Variants in CDK12 observed in about 807,000 individuals in gnomAD.
CDK12 encodes cyclin-dependent kinase 12.
Under a neutral mutation model 133.8 loss-of-function variants are expected in CDK12, and 17 were observed. The observed-to-expected ratio is 0.13, with a 90% CI of 0.09 to 0.19. The LOEUF (loss-of-function observed/expected upper bound fraction) is 0.19, where lower values mean the gene tolerates loss of function less well. Among genes scored for constraint, CDK12 ranks in the 10% least tolerant of loss-of-function variants. CDK12 has a pLI of 1.00. For missense variants in CDK12, 1,508 were observed against 1,818.7 expected (o/e 0.83, Z 3.11); for synonymous variants, 694 against 683.6 (o/e 1.02, Z -0.24).
chr17:39,462,367 G>A lies in CDK12; in HGVS notation c.296G>A (p.Arg99His), dbSNP rs541561206. ...FKLDRRENDE[R>H]RGSDRSDRLH... is the part of the protein sequence containing the mutation. ...CTAGACCGAAGGGAGAACGACGAAC[G>A]TCGTGGATCAGATCGGAGCGACCGC... The change falls in exon 1 of 14, where the codon CGT (arginine) becomes CAT (histidine). Residue 99 changes from arginine (R) to histidine (H), a missense_variant. Arg to His is a conservative substitution (Grantham distance 29, BLOSUM62 0). Around this residue, in one of 9 missense-constraint regions of CDK12, gnomAD observed 460 missense variants for 490.8 expected, o/e 0.94. Coordinates refer to ENST00000447079, the MANE Select transcript of CDK12 (RefSeq NM_016507.4). The A allele has an allele frequency of 6.2e-7, 1 of 1,614,204 alleles. No individual in the cohort carries two copies. The highest frequency in any genetic ancestry group is 2.2e-5 in the East Asian group (1 of 44,874).
At chr17:39,492,946 A>C in intron 4 of CDK12, 56 bp downstream of exon 4, 1 of 1,422,618 alleles carries the variant, frequency 7.0e-7, no homozygotes, top group Non-Finnish European at 9.7e-7. Flanking sequence ...AGCAATACTA[A>C]TATCTTAAGT....
chr17:39,563,390 AT>A (rs886961860), intron 3 of CDK12, among the ~76,000 whole-genome samples: 27 of 134,224 alleles, frequency 2.0e-4, no homozygotes, highest in African/African-American at 7.7e-4. Context: ...AGAACTCAAT[AT>A]TCTCTCTCTC....
upstream of CDK12, chr17:39,550,010 GTCTC>G (rs144728868): frequency 1.4e-3 from 199 of 145,044 alleles, 1 homozygote; most frequent in African/African-American, 3.0e-3. Context: ...CTCTCTCTCT[GTCTC>G]TCTCTCTCTC....
At chr17:39,555,616 A>G (rs146066891) in intron 2 of CDK12, among the ~76,000 whole-genome samples, 1 of 152,078 alleles carries the variant, frequency 6.6e-6, no homozygotes, top group East Asian at 1.9e-4. Flanking sequence ...CCCTGGGTAT[A>G]GAAGTAGTAT....
chr17:39,476,717 T>TTTTTTTTC (rs2050230123), intron 2 of CDK12, among the ~76,000 whole-genome samples: 5 of 100,348 alleles, frequency 5.0e-5, no homozygotes, highest in African/African-American at 2.2e-4. Flanking sequence ...CTGCCTTTTT[T>TTTTTTTTC]TTTTTTTTTT....
chr17:39,523,469 C>T (rs767015151), intron 11 of CDK12, among the ~76,000 whole-genome samples: 38 of 151,982 alleles, frequency 2.5e-4, no homozygotes, highest in Non-Finnish European at 4.4e-4. Flanking sequence ...GAGCAAGACT[C>T]TGTCTCAAAA....
chr17:39,543,527 T>C (rs867800549), upstream of CDK12, among the ~76,000 whole-genome samples: 2 of 152,160 alleles, frequency 1.3e-5, no homozygotes, highest in African/African-American at 2.4e-5. Context: ...GAGGGCATCA[T>C]TGGGCAGATT....
chr17:39,486,713 A>T (rs914743581), intron 2 of CDK12, among the ~76,000 whole-genome samples: 13 of 152,256 alleles, frequency 8.5e-5, no homozygotes, highest in Admixed American at 6.6e-5. Context: ...AGAATAATTT[A>T]AAAAATCTAT....
rs746582506 is a variant in CDK12 at position 39,492,794 on chromosome 17, G to A, written c.2152G>A (p.Asp718Asn). The A allele has an allele frequency of 3.1e-6, 5 of 1,613,006 alleles. No individual in the cohort carries two copies. The highest frequency in any genetic ancestry group is 1.1e-5 in the South Asian group (1 of 90,954). The change falls in exon 4 of 14, where the codon GAC becomes AAC. Residue 718 changes from aspartate to asparagine, a missense_variant. This residue lies in a region of CDK12 where 74 missense variants were observed against 160.2 expected (regional missense o/e 0.46). Coordinates refer to ENST00000447079, the MANE Select transcript of CDK12 (RefSeq NM_016507.4). ...TGGAGAAAGAAGACAAACAGAAAGC[G>A]ACTGGGGGAAACGCTGTGTGGACAA... is the stretch of plus-strand genomic sequence containing the variant. ...RYGERRQTES[D>N]WGKRCVDKFD...
At chr17:39,563,250 G>A (rs2056446524) in intron 3 of CDK12, among the ~76,000 whole-genome samples, 1 of 152,004 alleles carries the variant, frequency 6.6e-6, no homozygotes, top group Non-Finnish European at 1.5e-5. Context: ...TTCCAGGTTG[G>A]CTGGGAGAGT....
chr17:39,544,698 C>T (rs540801563), upstream of CDK12, among the ~76,000 whole-genome samples: 3 of 144,198 alleles, frequency 2.1e-5, no homozygotes, highest in Non-Finnish European at 3.0e-5. Context: ...GGCATGATCT[C>T]GGCTCACCGC....
chr17:39,535,073 T>C (rs755478481), downstream of CDK12: 4 of 152,178 alleles, frequency 2.6e-5, no homozygotes, highest in Non-Finnish European at 5.9e-5. Context: ...AAAAAGTTGT[T>C]TAAAAGTTAA....
intron 3 of CDK12, among the ~76,000 whole-genome samples, chr17:39,564,002 CA>C (rs1425719428): frequency 6.6e-6 from 1 of 152,152 alleles, no homozygotes; most frequent in Non-Finnish European, 1.5e-5. Flanking sequence ...CCAAGGGGCA[CA>C]AAAAACCCTG....
chr17:39,478,438 C>A (rs1436278698), intron 2 of CDK12, among the ~76,000 whole-genome samples: 1 of 152,128 alleles, frequency 6.6e-6, no homozygotes, highest in African/African-American at 2.4e-5. Flanking sequence ...AGGTGATCCA[C>A]CTGCCTTGGC....
Position 39,504,000 on chromosome 17 carries a change from T to C in CDK12, c.2609+2561T>C, listed in dbSNP as rs569866954. Among the ~76,000 whole-genome samples, 13 of 152,258 alleles carry C rather than the reference T, an allele frequency of 8.5e-5. No individual in the cohort carries two copies. In the East Asian group the frequency reaches 2.3e-3, roughly 27 times the overall value. Reference sequence around the variant, plus strand: ...CCTCTAAGAACTTCGTAATAAATGGTCAGTGCTGGAAATAACCCAGACACC... The same window carrying C: ...CCTCTAAGAACTTCGTAATAAATGGCCAGTGCTGGAAATAACCCAGACACC... On this transcript the variant is annotated intron_variant, in intron 6 of 13. Transcript: ENST00000447079.
chr17:39,550,042 C>T (rs1277719763), upstream of CDK12: 1 of 152,006 alleles, frequency 6.6e-6, no homozygotes, highest in Non-Finnish European at 1.5e-5. Context: ...CAGCTCAAAG[C>T]ACAGCTGAGC....
intron 3 of CDK12, 48 bp downstream of exon 3, chr17:39,490,781 T>G (rs2051528955): frequency 7.2e-7 from 1 of 1,397,340 alleles, no homozygotes; most frequent in East Asian, 2.3e-5. Flanking sequence ...TCTCCCTTCC[T>G]TTTGAACTAA....
chr17:39,530,445 G>A, intron 13 of CDK12, 159 bp from the exon 14 acceptor site: 1 of 1,048,986 alleles, frequency 9.5e-7, no homozygotes. Context: ...TTAATCACTT[G>A]ATTTATTTAT....
At chr17:39,498,489 C>T (rs1255342415) in intron 5 of CDK12, among the ~76,000 whole-genome samples, 4 of 152,170 alleles carry the variant, frequency 2.6e-5, no homozygotes, top group African/African-American at 9.6e-5. Flanking sequence ...TCCCAAAGTG[C>T]TGGGATTACA....
Sources: allele counts gnomAD v4.1 joint callset (sites outside exome capture counted in the v4.1 genomes callset), GRCh38; gene constraint gnomAD v4.1.1; regional missense constraint gnomAD v4.1.1; transcripts MANE v1.5; gene names NCBI Gene and HGNC (gene_info 2026-07-23, HGNC 2026-07-21).